Variants in CEMIP observed in about 807,000 individuals in gnomAD.
CEMIP encodes cell migration-inducing and hyaluronan-binding protein.
A neutral mutation model predicts 156.9 loss-of-function variants in CEMIP; 105 were observed. The ratio of observed to expected loss-of-function variants is 0.67; its 90% confidence interval spans 0.57 to 0.79. The LOEUF is 0.79. Ranked by LOEUF, CEMIP falls within the 30% of genes least tolerant of loss-of-function variation. The probability of loss-of-function intolerance (pLI) is 0.00; values close to 1 mark genes in which losing one functional copy is unlikely to be tolerated. For missense variants in CEMIP, 1,457 were observed against 1,769.4 expected, an observed-to-expected ratio of 0.82 and a Z score of 3.17; for synonymous variants, 676 against 668.4, an observed-to-expected ratio of 1.01 and a Z score of -0.17.
chr15:80,841,095 G>A (rs1416663498), intron 1 of CEMIP, among the ~76,000 whole-genome samples: 3 of 152,198 alleles, frequency 2.0e-5, no homozygotes, highest in Non-Finnish European at 4.4e-5. Context: ...CAGCTGAACG[G>A]GGCACCTGTG....
rs542550799 is a variant in CEMIP at position 80,895,000 on chromosome 15, T to C, written c.1097T>C (p.Met366Thr). 9.3e-6 allele frequency: 15 copies of C among 1,613,896 alleles called. No homozygotes were observed. The African/African-American group carries it at 1.7e-4, about 19-fold the overall frequency. Residue 366 changes from methionine (M) to threonine (T), a missense_variant, in exon 11 of 30, where the codon ATG becomes ACG. Physicochemically the swap from Met to Thr is moderately conservative, Grantham distance 81. Coordinates refer to ENST00000394685, the MANE Select transcript of CEMIP (RefSeq NM_001293298.2). ...CTGTGTCATTCCCAGGCCACTACAA[T>C]GGATGGAGTTAACCTCAGCACCGAG... is the stretch of plus-strand genomic sequence containing the variant. ...NRPIDIQATT[M>T]DGVNLSTEVV...
intron 1 of CEMIP, among the ~76,000 whole-genome samples, chr15:80,836,023 T>A (rs932051156): frequency 6.7e-6 from 1 of 148,346 alleles, no homozygotes; most frequent in Non-Finnish European, 1.5e-5. Flanking sequence ...GGTTTGCTCA[T>A]AAAAAAAAAG....
intron 1 of CEMIP, among the ~76,000 whole-genome samples, chr15:80,832,175 C>T (rs1364136395): frequency 3.3e-5 from 5 of 152,170 alleles, no homozygotes; most frequent in Non-Finnish European, 7.3e-5. Flanking sequence ...AAATTTTGCA[C>T]TTTCCATATT....
At chr15:80,910,882 T>C (rs1236335173) in intron 14 of CEMIP, among the ~76,000 whole-genome samples, 1 of 152,188 alleles carries the variant, frequency 6.6e-6, no homozygotes, top group Non-Finnish European at 1.5e-5. Flanking sequence ...CTGGAAGATG[T>C]AGGATTTTTT....
intron 1 of CEMIP, among the ~76,000 whole-genome samples, chr15:80,829,372 G>A (rs2141673885): frequency 6.6e-6 from 1 of 152,318 alleles, no homozygotes; most frequent in Non-Finnish European, 1.5e-5. Flanking sequence ...TTGGGAATGA[G>A]ATGCCTGCCT....
At chr15:80,845,557 G>A (rs548552413) in intron 1 of CEMIP, among the ~76,000 whole-genome samples, 79 of 152,324 alleles carry the variant, frequency 5.2e-4, no homozygotes, top group African/African-American at 1.7e-3. Context: ...TATGGGAAAT[G>A]CTGATCATCA....
At chr15:80,813,436 G>A (rs1205038130) in intron 1 of CEMIP, among the ~76,000 whole-genome samples, 1 of 47,378 alleles carries the variant, frequency 2.1e-5, no homozygotes, top group South Asian at 6.6e-4. Flanking sequence ...TGCAACCCCT[G>A]TCTCCTGGGT....
At chr15:80,854,938 C>T (rs1897812393) in intron 1 of CEMIP, among the ~76,000 whole-genome samples, 1 of 152,202 alleles carries the variant, frequency 6.6e-6, no homozygotes, top group South Asian at 2.1e-4. Flanking sequence ...ATGCCTGAAT[C>T]CCAGCCCTTT....
At chr15:80,808,299 A>G (rs1449510954) in intron 1 of CEMIP, among the ~76,000 whole-genome samples, 4 of 152,302 alleles carry the variant, frequency 2.6e-5, no homozygotes, top group Admixed American at 2.6e-4. Flanking sequence ...GCAGCCTTCC[A>G]CTGCTGAGAC....
chr15:80,906,726 G>C lies in CEMIP; in HGVS notation c.1475G>C (p.Gly492Ala), dbSNP rs370611003. The change falls in exon 13 of 30, where the codon GGG becomes GCG. Residue 492 changes from glycine to alanine, a missense_variant. By Grantham distance (60) the Gly-to-Ala change is moderately conservative (BLOSUM62 0). Transcript: ENST00000394685. The surrounding 1 kb of genome is among the most constrained non-coding windows in gnomAD (Gnocchi z 4.3). ...IDGVDMRAEVGLLSRNIIVMG... is the reference protein window; with the variant it reads ...IDGVDMRAEVALLSRNIIVMG... ...GGCGTGGACATGCGGGCGGAGGTTGGGCTTCTGAGCCGGAACATCATAGTG... is the reference window on the plus strand; with the variant it reads ...GGCGTGGACATGCGGGCGGAGGTTGCGCTTCTGAGCCGGAACATCATAGTG... 1 of 1,614,054 alleles carries C rather than the reference G, an allele frequency of 6.2e-7. No homozygotes were observed. Among genetic ancestry groups the C allele is most frequent in the African/African-American group, 1.3e-5 (1 of 74,910 alleles).
At chr15:80,836,171 T>A (rs1390721550) in intron 1 of CEMIP, among the ~76,000 whole-genome samples, 1 of 152,048 alleles carries the variant, frequency 6.6e-6, no homozygotes, top group African/African-American at 2.4e-5. Context: ...GTTAGTGCAT[T>A]TTCCTGGCCT....
chr15:80,873,420 A>C (rs1038222512), intron 1 of CEMIP, 118 bp from the exon 2 acceptor site: 4 of 226,196 alleles, frequency 1.8e-5, no homozygotes, highest in African/African-American at 9.0e-5. Context: ...AGGTTAGAAA[A>C]CTGAGATCCA....
intron 1 of CEMIP, among the ~76,000 whole-genome samples, chr15:80,780,628 T>A (rs537106998): frequency 1.2e-4 from 18 of 152,302 alleles, no homozygotes; most frequent in Non-Finnish European, 2.2e-4. Context: ...TAAAAACTAA[T>A]CTTCTGATGT....
intron 1 of CEMIP, among the ~76,000 whole-genome samples, chr15:80,870,272 T>C (rs1898244120): frequency 6.6e-6 from 1 of 152,190 alleles, no homozygotes; most frequent in African/African-American, 2.4e-5. Context: ...CTCTGCTGTC[T>C]TATCCCAGGA....
chr15:80,821,671 T>C (rs1896912517), intron 1 of CEMIP, among the ~76,000 whole-genome samples: 1 of 152,060 alleles, frequency 6.6e-6, no homozygotes, highest in African/African-American at 2.4e-5. Flanking sequence ...AATGAGGTCT[T>C]TGGGGGAGAA....
intron 1 of CEMIP, among the ~76,000 whole-genome samples, chr15:80,848,677 A>G (rs1897623866): frequency 6.6e-6 from 1 of 152,150 alleles, no homozygotes; most frequent in Admixed American, 6.5e-5. Flanking sequence ...CATAGATGAG[A>G]AGGGGTTCCC....
chr15:80,880,313 A>G (rs1203126213), intron 5 of CEMIP, among the ~76,000 whole-genome samples: 1 of 152,234 alleles, frequency 6.6e-6, no homozygotes, highest in Admixed American at 6.5e-5. Context: ...ACAAAAATAC[A>G]AAACACTTAG....
chr15:80,797,556 A>T lies in CEMIP; in HGVS notation c.-176+17942A>T, dbSNP rs189483140. Among the ~76,000 whole-genome samples, 3 of 152,316 alleles carry T rather than the reference A, an allele frequency of 2.0e-5. No individual in the cohort carries two copies. The East Asian group carries it at 5.8e-4, about 29-fold the overall frequency. Reference sequence around the variant, plus strand: ...GAGGCTAATGCATTCCACACTTTCGATGTTAGTTGTGGTCAAGTGTCTTGT... The same window carrying T: ...GAGGCTAATGCATTCCACACTTTCGTTGTTAGTTGTGGTCAAGTGTCTTGT... On this transcript the variant is annotated intron_variant, in intron 1 of 29. Coordinates refer to ENST00000394685, the MANE Select transcript of CEMIP (RefSeq NM_001293298.2).
At chr15:80,937,647 G>T in intron 24 of CEMIP, 147 bp from the exon 25 acceptor site, 1 of 727,546 alleles carries the variant, frequency 1.4e-6, no homozygotes, top group Non-Finnish European at 2.4e-6. Context: ...CAGTCACCAC[G>T]ACAGCAAATG....
Sources: gnomAD v4.1 joint callset for allele counts (sites outside exome capture counted in the v4.1 genomes callset) on GRCh38, gnomAD v4.1.1 for gene constraint, Gnocchi (gnomAD v3.1) non-coding constraint, MANE v1.5 for transcripts, NCBI Gene and HGNC (gene_info 2026-07-23, HGNC 2026-07-21) for gene names.